Variants in PRH1 observed in about 807,000 individuals in gnomAD.
PRH1 encodes the protein proline rich protein HaeIII subfamily 1.
In PRH1, 7 loss-of-function variants were observed where a neutral mutation model predicts 7.9. The ratio of observed to expected loss-of-function variants is 0.89; its 90% CI spans 0.50 to 1.67. The LOEUF (loss-of-function observed/expected upper bound fraction) is 1.67, where lower values mean the gene tolerates loss of function less well. Ranked by LOEUF, PRH1 falls within the 40% of genes most tolerant of loss-of-function variation. The pLI, the probability that PRH1 is intolerant of heterozygous loss-of-function variation, is 0.00. For missense variants in PRH1, 109 were observed against 223.6 expected (o/e 0.49, Z 3.27); for synonymous variants, 45 against 80.8 (o/e 0.56, Z 2.38).
intron 1 of PRH1, among the ~76,000 whole-genome samples, chr12:11,147,160 TACTC>T (rs528634828): frequency 1.7e-3 from 258 of 152,300 alleles, no homozygotes; most frequent in African/African-American, 6.1e-3. Flanking sequence ...TATTTTATAA[TACTC>T]AGTTTATCTA....
chr12:10,930,699 T>C lies in PRH1; in HGVS notation c.-59+42956A>G, dbSNP rs200642604. The stretch of plus-strand genomic sequence containing the variant: ...CTGAGCAGTTCATAGATGAGGAGCG[T>C]CAGGGACCACCTTTGGGAGGACAGC... On this transcript the variant is annotated intron_variant, in intron 2 of 3. Coordinates refer to the PRH1 transcript ENST00000539853. 45 of 1,613,688 alleles carry C rather than the reference T, an allele frequency of 2.8e-5. 1 individual carries two copies. The highest frequency in any genetic ancestry group is 3.7e-5 in the Non-Finnish European group (44 of 1,179,830).
chr12:11,005,399 T>C (rs1022759254), intron 1 of PRH1, among the ~76,000 whole-genome samples: 2 of 152,134 alleles, frequency 1.3e-5, no homozygotes, highest in African/African-American at 4.8e-5. Context: ...AAGCAACACA[T>C]AGTTCCTACA....
chr12:11,006,649 A>G (rs1437211506), intron 1 of PRH1, among the ~76,000 whole-genome samples: 1 of 152,124 alleles, frequency 6.6e-6, no homozygotes, highest in Non-Finnish European at 1.5e-5. Flanking sequence ...AGAGACAAAA[A>G]GAAAGGAAAA....
At chr12:11,101,179 T>C (rs1945234046) in intron 1 of PRH1, among the ~76,000 whole-genome samples, 1 of 152,162 alleles carries the variant, frequency 6.6e-6, no homozygotes, top group Admixed American at 6.5e-5. Flanking sequence ...TCTCTTCTTT[T>C]GTGTGAATTA....
At chr12:11,066,031 T>C (rs1246377953) in intron 1 of PRH1, among the ~76,000 whole-genome samples, 1 of 152,190 alleles carries the variant, frequency 6.6e-6, no homozygotes, top group African/African-American at 2.4e-5. Flanking sequence ...TTTTACTCTG[T>C]TTTTATTAGC....
At chr12:11,155,064 C>T (rs182400505) in intron 1 of PRH1, among the ~76,000 whole-genome samples, 30 of 152,308 alleles carry the variant, frequency 2.0e-4, no homozygotes, top group East Asian at 5.8e-4. Flanking sequence ...CATGTGGGCA[C>T]AAATTTTATA....
At chr12:11,169,096 T>C (rs1473129699) in intron 1 of PRH1, among the ~76,000 whole-genome samples, 2 of 152,226 alleles carry the variant, frequency 1.3e-5, no homozygotes, top group African/African-American at 4.8e-5. Context: ...GCTAACCTGA[T>C]GAAAAGTCAG....
At chr12:11,167,366 C>G (rs1265716418) in intron 1 of PRH1, among the ~76,000 whole-genome samples, 1 of 151,958 alleles carries the variant, frequency 6.6e-6, no homozygotes, top group Non-Finnish European at 1.5e-5. Context: ...TTCTTGTTAC[C>G]TACTGAAATG....
intron 1 of PRH1, among the ~76,000 whole-genome samples, chr12:10,990,393 G>T (rs1455224344): frequency 6.6e-6 from 1 of 152,218 alleles, no homozygotes; most frequent in African/African-American, 2.4e-5. Flanking sequence ...AGAGCATTCC[G>T]AGAAGAAGGG....
chr12:10,951,367 T>C (rs1249964335), intron 2 of PRH1, among the ~76,000 whole-genome samples: 1 of 152,216 alleles, frequency 6.6e-6, no homozygotes, highest in East Asian at 1.9e-4. Context: ...TCATAACTTG[T>C]ATCATGACTG....
At chr12:10,926,981 C>T (rs1591686040) in intron 2 of PRH1, among the ~76,000 whole-genome samples, 1 of 152,172 alleles carries the variant, frequency 6.6e-6, no homozygotes, top group Non-Finnish European at 1.5e-5. Flanking sequence ...CTCCCTTTCA[C>T]CCACACTCAC....
intron 1 of PRH1, among the ~76,000 whole-genome samples, chr12:10,979,726 T>C (rs980414625): frequency 6.6e-6 from 1 of 152,162 alleles, no homozygotes; most frequent in Non-Finnish European, 1.5e-5. Context: ...TGGCAAGAAA[T>C]GCAGAAATTT....
chr12:10,929,611 A>G (rs3930723), intron 2 of PRH1, among the ~76,000 whole-genome samples: 2,999 of 152,278 alleles, frequency 0.02, 34 homozygotes, highest in South Asian at 0.031. Context: ...TGGGAAGGAT[A>G]TGGAGAATGC....
At chr12:11,032,021 A>G (rs1485332803) in intron 1 of PRH1, among the ~76,000 whole-genome samples, 8 of 152,130 alleles carry the variant, frequency 5.3e-5, no homozygotes, top group African/African-American at 1.2e-4. Context: ...GATGAGTTCA[A>G]TGATCTCTTT....
chr12:11,165,311 C>T (rs1261629649), intron 1 of PRH1, among the ~76,000 whole-genome samples: 1 of 141,444 alleles, frequency 7.1e-6, no homozygotes, highest in African/African-American at 2.6e-5. Context: ...CTCTTCTCTC[C>T]TTTTCTCCCT....
At chr12:10,965,386 G>A in intron 2 of PRH1, 1 of 909,570 alleles carries the variant, frequency 1.1e-6, no homozygotes, top group East Asian at 4.3e-5. Flanking sequence ...ATAAATGAAG[G>A]CCTAACAGCA....
intron 1 of PRH1, among the ~76,000 whole-genome samples, chr12:11,054,905 C>CCTCACTGCAAGCTCT (rs1943302514): frequency 3.7e-5 from 5 of 134,144 alleles, no homozygotes; most frequent in Admixed American, 1.5e-4. Context: ...CTGCAAGCTC[C>CCTCACTGCAAGCTCT]GCCTCACTGC....
intron 1 of PRH1, among the ~76,000 whole-genome samples, chr12:11,145,934 CTG>C (rs1946846861): frequency 6.6e-6 from 1 of 152,150 alleles, no homozygotes; most frequent in African/African-American, 2.4e-5. Context: ...AGCTCTATAA[CTG>C]TTTTTGCATA....
At chr12:10,953,309 A>G (rs762656631) in intron 2 of PRH1, among the ~76,000 whole-genome samples, 1 of 152,204 alleles carries the variant, frequency 6.6e-6, no homozygotes, top group African/African-American at 2.4e-5. Context: ...GATAGGAACA[A>G]AGATCAATGA....
Sources: gnomAD v4.1 joint callset for allele counts (sites outside exome capture counted in the v4.1 genomes callset) on GRCh38, gnomAD v4.1.1 for gene constraint, MANE v1.5 for transcripts, NCBI Gene and HGNC (gene_info 2026-07-23, HGNC 2026-07-21) for gene names.